The following MED13L variants were observed in gnomAD, a reference collection of about 807,000 sequenced individuals.
The protein encoded by MED13L is mediator complex subunit 13L, also known as mediator of RNA polymerase II transcription subunit 13-like.
Under a neutral mutation model 220.9 loss-of-function variants are expected in MED13L, and 7 were observed. The observed-to-expected ratio is 0.03, with a 90% CI of 0.02 to 0.06. The LOEUF (loss-of-function observed/expected upper bound fraction) is 0.06. Ranked by LOEUF, MED13L falls within the 10% of genes least tolerant of loss-of-function variation. MED13L has a pLI of 1.00. For missense variants in MED13L, 1,965 were observed against 2,760.5 expected, an observed-to-expected ratio of 0.71 and a Z score of 6.46; for synonymous variants, 1,011 against 1,015.2, an observed-to-expected ratio of 1.00 and a Z score of 0.08.
intron 1 of MED13L, among the ~76,000 whole-genome samples, chr12:116,252,598 AAAGG>A (rs1871652118): frequency 6.6e-6 from 1 of 152,150 alleles, no homozygotes; most frequent in Non-Finnish European, 1.5e-5. Flanking sequence ...AGAAGCTATA[AAAGG>A]AAGAAGAAAT....
At chr12:116,227,329 T>C (rs570105288) in intron 2 of MED13L, among the ~76,000 whole-genome samples, 20 of 152,334 alleles carry the variant, frequency 1.3e-4, no homozygotes, top group Admixed American at 3.9e-4. Context: ...GCTTATCAAC[T>C]ACCTCAATAA....
chr12:116,155,953 C>T (rs1291533999), intron 2 of MED13L, among the ~76,000 whole-genome samples: 1 of 151,898 alleles, frequency 6.6e-6, no homozygotes, highest in East Asian at 1.9e-4. Flanking sequence ...AATATCATTT[C>T]CATTATTGTG....
chr12:116,254,788 T>C (rs542836766), intron 1 of MED13L, among the ~76,000 whole-genome samples: 14 of 152,156 alleles, frequency 9.2e-5, no homozygotes, highest in African/African-American at 2.6e-4. Flanking sequence ...TCTAAAATAA[T>C]AGCCATTAAA....
At chr12:116,175,621 C>T (rs1319683307) in intron 2 of MED13L, among the ~76,000 whole-genome samples, 1 of 152,032 alleles carries the variant, frequency 6.6e-6, no homozygotes, top group Non-Finnish European at 1.5e-5. Context: ...AGATTAGAGA[C>T]AGAAAAGGCT....
chr12:116,184,926 A>G (rs1880776572), intron 2 of MED13L, among the ~76,000 whole-genome samples: 1 of 152,166 alleles, frequency 6.6e-6, no homozygotes, highest in Non-Finnish European at 1.5e-5. Context: ...ATTTTTCACA[A>G]GGATCCAGTG....
intron 23 of MED13L, among the ~76,000 whole-genome samples, chr12:115,976,647 G>A (rs957229351): frequency 6.6e-6 from 1 of 152,120 alleles, no homozygotes; most frequent in Non-Finnish European, 1.5e-5. Context: ...ATGTGTGTCT[G>A]TGTATATAAT....
intron 4 of MED13L, among the ~76,000 whole-genome samples, chr12:116,084,173 GTATTTT>G (rs1289841988): frequency 4.6e-5 from 7 of 152,106 alleles, no homozygotes; most frequent in Admixed American, 4.6e-4. Context: ...TTTTTACTGG[GTATTTT>G]TAGCACCACG....
chr12:116,119,838 A>AAAAAAAAT (rs1555213242), intron 2 of MED13L, among the ~76,000 whole-genome samples: 1 of 31,596 alleles, frequency 3.2e-5, no homozygotes, highest in Non-Finnish European at 5.5e-5. Context: ...AAAAAAAAAA[A>AAAAAAAAT]ATATATATAT....
intron 2 of MED13L, chr12:116,236,871 A>G: frequency 2.0e-6 from 2 of 985,264 alleles, no homozygotes; most frequent in Non-Finnish European, 2.4e-6. Flanking sequence ...AAAATCAGGC[A>G]ACACCGGAGC....
At chr12:116,188,554 T>C (rs762320220) in intron 2 of MED13L, among the ~76,000 whole-genome samples, 11 of 152,272 alleles carry the variant, frequency 7.2e-5, no homozygotes, top group Middle Eastern at 6.8e-3. Context: ...CACATGCAAC[T>C]GTCAGAAATA....
chr12:116,237,317 G>A (rs79125251), intron 2 of MED13L, 151 bp downstream of exon 2: 15,760 of 699,596 alleles, frequency 0.023, 296 homozygotes, highest in Middle Eastern at 0.041. Flanking sequence ...GGGATGGGAG[G>A]AAGAGGGGTG....
At chr12:116,091,103 A>G (rs543899026) in intron 4 of MED13L, among the ~76,000 whole-genome samples, 2 of 144,186 alleles carry the variant, frequency 1.4e-5, no homozygotes, top group South Asian at 4.7e-4. Flanking sequence ...CCTGGGTGAC[A>G]GAGCGGAACT....
In MED13L at chr12:116,036,443, T is replaced by C. The variant is rs530689238; in HGVS notation, c.480-13842A>G. ...ACTAGTGCTCCAGATCATTTTATTC[T>C]CTTACAATATTCTAAATCCTCTAAA... On this transcript the variant is annotated intron_variant, in intron 4 of 30. Transcript: ENST00000281928. 2.6e-5 allele frequency among the ~76,000 whole-genome samples: 4 copies of C among 152,346 alleles called. No homozygotes were observed. In the South Asian group the frequency reaches 8.3e-4, roughly 32 times the overall value.
chr12:116,267,565 A>C (rs908846471), intron 1 of MED13L, among the ~76,000 whole-genome samples: 1 of 152,184 alleles, frequency 6.6e-6, no homozygotes, highest in Non-Finnish European at 1.5e-5. Flanking sequence ...CTGCCCTCCA[A>C]CACCAAGTTT....
intron 4 of MED13L, among the ~76,000 whole-genome samples, chr12:116,064,766 A>T (rs1869786370): frequency 6.6e-6 from 1 of 152,176 alleles, no homozygotes; most frequent in Non-Finnish European, 1.5e-5. Flanking sequence ...CTTCCATCTG[A>T]CACTGGTACG....
intron 3 of MED13L, among the ~76,000 whole-genome samples, chr12:116,102,464 T>A (rs948855166): frequency 2.6e-5 from 4 of 152,162 alleles, no homozygotes; most frequent in Non-Finnish European, 5.9e-5. Flanking sequence ...CTTCTGTTAA[T>A]CATCGAGTTA....
chr12:116,005,413 T>C (rs527527072), intron 13 of MED13L, among the ~76,000 whole-genome samples: 5 of 152,244 alleles, frequency 3.3e-5, no homozygotes, highest in Non-Finnish European at 7.3e-5. Context: ...CCTACAATGA[T>C]GCCATGATCT....
rs531398467 is a variant in MED13L at position 116,146,136 on chromosome 12, T to G, written c.311-34624A>C. 1.1e-3 allele frequency among the ~76,000 whole-genome samples: 172 copies of G among 152,290 alleles called. 1 individual carries two copies. The highest frequency in any genetic ancestry group is 2.0e-3 in the Non-Finnish European group (137 of 68,010). Reference sequence around the variant, plus strand: ...TTGAGATTTTTTTGTTTTTGTTGGTTTTTTTGAGATGGAGTCTCGCTCTGT... The same window carrying G: ...TTGAGATTTTTTTGTTTTTGTTGGTGTTTTTGAGATGGAGTCTCGCTCTGT... On this transcript the variant is annotated intron_variant, in intron 2 of 30. Coordinates refer to ENST00000281928, the MANE Select transcript of MED13L (RefSeq NM_015335.5).
At chr12:116,173,287 A>G (rs1407453760) in intron 2 of MED13L, among the ~76,000 whole-genome samples, 2 of 152,200 alleles carry the variant, frequency 1.3e-5, no homozygotes, top group Non-Finnish European at 2.9e-5. Flanking sequence ...ATGGCTAAAT[A>G]TAACTTGACC....
Sources: allele counts gnomAD v4.1 joint callset (sites outside exome capture counted in the v4.1 genomes callset), GRCh38; gene constraint gnomAD v4.1.1; transcripts MANE v1.5; gene names NCBI Gene and HGNC (gene_info 2026-07-23, HGNC 2026-07-21).